TENM3: variants seen among roughly 807,000 people sequenced by gnomAD.
TENM3 encodes the protein teneurin transmembrane protein 3, also known as teneurin-3.
A neutral mutation model predicts 255.1 loss-of-function variants in TENM3; 63 were observed. The ratio of observed to expected loss-of-function variants is 0.25; its 90% CI spans 0.20 to 0.30. The LOEUF (loss-of-function observed/expected upper bound fraction) is 0.30, where lower values mean the gene tolerates loss of function less well. Ranked by LOEUF, TENM3 falls within the 10% of genes least tolerant of loss-of-function variation. TENM3 has a pLI of 1.00. For synonymous variants in TENM3, 1,306 were observed against 1,322.3 expected (o/e 0.99, Z 0.27); for missense variants, 2,929 against 3,461.1 (o/e 0.85, Z 3.86).
chr4:181,763,452 T>A, the TENM3 span, among the ~76,000 whole-genome samples: 1 of 152,330 alleles, frequency 6.6e-6, no homozygotes, highest in East Asian at 1.9e-4. Context: ...CATCTGTTTT[T>A]ATATGGCCCA....
the TENM3 span, among the ~76,000 whole-genome samples, chr4:182,133,794 C>T: frequency 6.6e-6 from 1 of 152,138 alleles, no homozygotes; most frequent in African/African-American, 2.4e-5. Context: ...AATTCAATGA[C>T]AGTTTTTTGC....
chr4:182,278,975 C>A (rs1375607532), intron 1 of TENM3, among the ~76,000 whole-genome samples: 1 of 152,180 alleles, frequency 6.6e-6, no homozygotes, highest in Admixed American at 6.5e-5. Flanking sequence ...CTGGAGGCTG[C>A]GCTTGAAGAC....
the TENM3 span, among the ~76,000 whole-genome samples, chr4:181,940,794 C>T: frequency 6.6e-6 from 1 of 152,156 alleles, no homozygotes; most frequent in Admixed American, 6.5e-5. Context: ...TGAAATTTCA[C>T]TGGGGCTGCT....
intron 16 of TENM3, 104 bp downstream of exon 16, chr4:182,731,243 C>T (rs896199856): frequency 8.4e-7 from 1 of 1,184,162 alleles, no homozygotes; most frequent in South Asian, 1.5e-5. Context: ...CGGTGGCTCA[C>T]TCCTGTAATC....
intron 1 of TENM3, among the ~76,000 whole-genome samples, chr4:182,178,821 G>A (rs1055615286): frequency 6.6e-6 from 1 of 152,128 alleles, no homozygotes; most frequent in Non-Finnish European, 1.5e-5. Context: ...TCTAGTTAAT[G>A]TTTGTATATC....
At chr4:182,271,266 C>G (rs1759602859) in intron 1 of TENM3, among the ~76,000 whole-genome samples, 1 of 152,136 alleles carries the variant, frequency 6.6e-6, no homozygotes, top group African/African-American at 2.4e-5. Flanking sequence ...CAAAGCCTAA[C>G]CACCCCCTTC....
the TENM3 span, among the ~76,000 whole-genome samples, chr4:181,639,258 T>A: frequency 3.3e-5 from 5 of 152,190 alleles, no homozygotes; most frequent in Non-Finnish European, 5.9e-5. Context: ...AAGCATATCA[T>A]GGCATATTGA....
At chr4:181,592,256 A>ACACACACACACACACACAC in the TENM3 span, among the ~76,000 whole-genome samples, 2 of 148,320 alleles carry the variant, frequency 1.3e-5, no homozygotes, top group African/African-American at 2.5e-5. Context: ...TTTAAACACA[A>ACACACACACACACACACAC]ACACACACAC....
At chr4:182,320,563 A>T (rs192033730) in intron 1 of TENM3, among the ~76,000 whole-genome samples, 3 of 152,282 alleles carry the variant, frequency 2.0e-5, no homozygotes, top group Admixed American at 2.0e-4. Context: ...GCCCTCCCTA[A>T]TCCAGTATGA....
intron 3 of TENM3, among the ~76,000 whole-genome samples, chr4:182,558,176 C>T (rs562232568): frequency 4.6e-5 from 7 of 152,176 alleles, no homozygotes; most frequent in Non-Finnish European, 1.0e-4. Context: ...ATAGCCCTGC[C>T]CTGCCAGTGC....
intron 3 of TENM3, among the ~76,000 whole-genome samples, chr4:182,500,138 T>G (rs1736171788): frequency 6.6e-6 from 1 of 152,202 alleles, no homozygotes; most frequent in African/African-American, 2.4e-5. Context: ...CTCAAGTAGC[T>G]AAGGCATAAT....
At chr4:181,834,490 T>C in the TENM3 span, among the ~76,000 whole-genome samples, 1 of 152,214 alleles carries the variant, frequency 6.6e-6, no homozygotes, top group Non-Finnish European at 1.5e-5. Context: ...CAAGTGTGTG[T>C]CTGGGCTCAT....
the TENM3 span, among the ~76,000 whole-genome samples, chr4:181,822,071 G>A: frequency 6.6e-6 from 1 of 152,278 alleles, no homozygotes; most frequent in Middle Eastern, 3.4e-3. Flanking sequence ...ACTAGAGGAG[G>A]TGTATTATTT....
the TENM3 span, among the ~76,000 whole-genome samples, chr4:181,944,779 A>G: frequency 3.3e-5 from 5 of 152,156 alleles, no homozygotes; most frequent in East Asian, 3.9e-4. Context: ...AAGTGTTTGC[A>G]GACAGAGCCT....
At chr4:182,382,948 C>T (rs562308387) in intron 3 of TENM3, among the ~76,000 whole-genome samples, 1 of 152,270 alleles carries the variant, frequency 6.6e-6, no homozygotes, top group South Asian at 2.1e-4. Flanking sequence ...AATCCATGAG[C>T]TGGGACCACC....
the TENM3 span, among the ~76,000 whole-genome samples, chr4:182,074,606 A>ATT: frequency 6.6e-6 from 1 of 152,212 alleles, no homozygotes; most frequent in Non-Finnish European, 1.5e-5. Flanking sequence ...CTTAAGCAAG[A>ATT]AAGAAAGATG....
At chr4:182,003,347 CAA>C in the TENM3 span, among the ~76,000 whole-genome samples, 1 of 151,946 alleles carries the variant, frequency 6.6e-6, no homozygotes, top group African/African-American at 2.4e-5. Context: ...TGTTTCTTTC[CAA>C]ATGACCTGAA....
chr4:182,628,740 C>T lies in TENM3; in HGVS notation c.839C>T (p.Ser280Leu). The change falls in exon 5 of 28, where the codon TCA becomes TTA. Residue 280 changes from serine to leucine, a missense_variant. By Grantham distance (145) the Ser-to-Leu change is moderately radical (BLOSUM62 -2). Transcript: ENST00000511685. ...GYTMASGSVYSPPTRPLPRNT... is the reference protein window; with the variant it reads ...GYTMASGSVYLPPTRPLPRNT... ...ACAATGGCATCTGGCTCTGTTTATT[C>T]ACCACCTACTCGGCCACTACCTAGA... 2 of 1,609,402 alleles carry T rather than the reference C, an allele frequency of 1.2e-6. No homozygotes were observed. The highest frequency in any genetic ancestry group is 1.7e-6 in the Non-Finnish European group (2 of 1,177,882).
At chr4:182,100,608 C>T in the TENM3 span, among the ~76,000 whole-genome samples, 9 of 91,986 alleles carry the variant, frequency 9.8e-5, no homozygotes, top group African/African-American at 2.8e-4. Flanking sequence ...CACATATATA[C>T]ACACATATAT....
Sources: gnomAD v4.1 joint callset for allele counts (sites outside exome capture counted in the v4.1 genomes callset) on GRCh38, gnomAD v4.1.1 for gene constraint, MANE v1.5 for transcripts, NCBI Gene and HGNC (gene_info 2026-07-23, HGNC 2026-07-21) for gene names.